CSNK2A2IP: variants seen among roughly 807,000 people sequenced by gnomAD.
CSNK2A2IP encodes casein kinase 2 subunit alpha' interacting protein.
the CSNK2A2IP span, among the ~76,000 whole-genome samples, chr3:88,463,623 A>C: frequency 6.6e-6 from 1 of 152,154 alleles, no homozygotes. Context: ...CACCAGTTAG[A>C]ATGGCAATCA....
At chr3:88,459,081 T>A in the CSNK2A2IP span, among the ~76,000 whole-genome samples, 1 of 152,178 alleles carries the variant, frequency 6.6e-6, no homozygotes, top group Non-Finnish European at 1.5e-5. Flanking sequence ...CAATTTCCAA[T>A]GATAAGTTTT....
the CSNK2A2IP span, among the ~76,000 whole-genome samples, chr3:88,405,869 T>G: frequency 6.6e-6 from 1 of 152,286 alleles, no homozygotes; most frequent in Non-Finnish European, 1.5e-5. Flanking sequence ...AACAAAAATA[T>G]TTTAGGATGA....
the CSNK2A2IP span, among the ~76,000 whole-genome samples, chr3:88,434,634 G>A: frequency 1.7e-3 from 265 of 152,232 alleles, no homozygotes; most frequent in Middle Eastern, 0.01. Context: ...AATCAGGGTT[G>A]CTATGAAAAC....
At chr3:88,461,237 T>C in the CSNK2A2IP span, among the ~76,000 whole-genome samples, 1 of 152,168 alleles carries the variant, frequency 6.6e-6, no homozygotes, top group Non-Finnish European at 1.5e-5. Context: ...GTTTGGAATA[T>C]AAACTTTTAA....
the CSNK2A2IP span, among the ~76,000 whole-genome samples, chr3:88,399,288 G>T: frequency 3.9e-5 from 6 of 151,990 alleles, no homozygotes; most frequent in Non-Finnish European, 8.8e-5. Flanking sequence ...TTAACATTTT[G>T]AATACAATTT....
the CSNK2A2IP span, among the ~76,000 whole-genome samples, chr3:88,462,052 C>T: frequency 3.8e-3 from 569 of 151,082 alleles, no homozygotes; most frequent in Non-Finnish European, 6.1e-3. Context: ...TTTTGCCCAT[C>T]CTAATTCCAT....
chr3:88,425,220 G>A, the CSNK2A2IP span, among the ~76,000 whole-genome samples: 1 of 151,806 alleles, frequency 6.6e-6, no homozygotes, highest in Non-Finnish European at 1.5e-5. Flanking sequence ...TAAATAATAA[G>A]GTTGACTTAT....
At chr3:88,356,484 TTATC>T in the CSNK2A2IP span, among the ~76,000 whole-genome samples, 7 of 152,168 alleles carry the variant, frequency 4.6e-5, no homozygotes, top group South Asian at 2.1e-4. Flanking sequence ...CACATTTTCT[TTATC>T]TATTCTTCTG....
At chr3:88,344,025 T>C in the CSNK2A2IP span, among the ~76,000 whole-genome samples, 1 of 152,000 alleles carries the variant, frequency 6.6e-6, no homozygotes, top group Non-Finnish European at 1.5e-5. Flanking sequence ...TTCCACAATG[T>C]TTTTGCAGGA....
the CSNK2A2IP span, among the ~76,000 whole-genome samples, chr3:88,424,432 T>A: frequency 5.9e-5 from 9 of 152,214 alleles, no homozygotes; most frequent in Non-Finnish European, 1.3e-4. Flanking sequence ...TATGAAGGTG[T>A]CTGAGGGCAA....
the CSNK2A2IP span, among the ~76,000 whole-genome samples, chr3:88,410,044 G>A: frequency 6.6e-5 from 10 of 151,974 alleles, no homozygotes; most frequent in Non-Finnish European, 1.3e-4. Context: ...ATCCTAGCTG[G>A]ACTAAATCAA....
the CSNK2A2IP span, among the ~76,000 whole-genome samples, chr3:88,430,754 A>G: frequency 1.3e-5 from 2 of 152,190 alleles, no homozygotes; most frequent in Admixed American, 6.5e-5. Context: ...AAGTAGTAAC[A>G]ACAATGTTCA....
the CSNK2A2IP span, among the ~76,000 whole-genome samples, chr3:88,420,890 G>A: frequency 6.6e-6 from 1 of 152,100 alleles, no homozygotes; most frequent in Non-Finnish European, 1.5e-5. Flanking sequence ...CTCATGTAAT[G>A]GGAGTTGGGG....
the CSNK2A2IP span, among the ~76,000 whole-genome samples, chr3:88,354,791 A>C: frequency 6.6e-6 from 1 of 152,164 alleles, no homozygotes; most frequent in African/African-American, 2.4e-5. Flanking sequence ...GATATACTAA[A>C]GTCTTCCAAG....
the CSNK2A2IP span, among the ~76,000 whole-genome samples, chr3:88,437,460 T>G: frequency 6.6e-6 from 1 of 152,234 alleles, no homozygotes; most frequent in African/African-American, 2.4e-5. Flanking sequence ...GAGCAGTAAG[T>G]AGAATATGGT....
the CSNK2A2IP span, among the ~76,000 whole-genome samples, chr3:88,375,338 T>C: frequency 6.6e-6 from 1 of 151,836 alleles, no homozygotes. Flanking sequence ...TGTTCTCTTC[T>C]ATCCTGTTGT....
the CSNK2A2IP span, among the ~76,000 whole-genome samples, chr3:88,445,729 G>A: frequency 1.3e-5 from 2 of 151,942 alleles, no homozygotes; most frequent in Non-Finnish European, 2.9e-5. Context: ...TGGCTAAATG[G>A]TTTTGTTGTT....
the CSNK2A2IP span, among the ~76,000 whole-genome samples, chr3:88,459,313 A>T: frequency 6.6e-6 from 1 of 152,138 alleles, no homozygotes; most frequent in Non-Finnish European, 1.5e-5. Flanking sequence ...AGATAATTAT[A>T]TATGAAGTAT....
At chr3:88,385,336 T>C in the CSNK2A2IP span, among the ~76,000 whole-genome samples, 2 of 152,162 alleles carry the variant, frequency 1.3e-5, no homozygotes, top group African/African-American at 2.4e-5. Flanking sequence ...TGAGTCATTA[T>C]GTAAGAATAA....
Sources: allele counts gnomAD v4.1 joint callset (sites outside exome capture counted in the v4.1 genomes callset), GRCh38; gene constraint gnomAD v4.1.1; transcripts MANE v1.5; gene names NCBI Gene and HGNC (gene_info 2026-07-23, HGNC 2026-07-21).